CCDC178: variants seen among roughly 807,000 people sequenced by gnomAD.
CCDC178 encodes coiled-coil domain containing 178.
A neutral mutation model predicts 117.4 loss-of-function variants in CCDC178; 126 were observed. That is an observed-to-expected ratio of 1.07 (90% CI 0.93 to 1.24). CCDC178 has a LOEUF of 1.24. Ranked by LOEUF, CCDC178 falls within the 50% of genes most tolerant of loss-of-function variation. The probability of loss-of-function intolerance (pLI) is 0.00; values close to 1 mark genes in which losing one functional copy is unlikely to be tolerated. For synonymous variants in CCDC178, 283 were observed against 313.4 expected (o/e 0.90, Z 1.02); for missense variants, 1,030 against 986.9 (o/e 1.04, Z -0.59).
chr18:33,064,490 C>A (rs1365994307), intron 21 of CCDC178, among the ~76,000 whole-genome samples: 1 of 151,998 alleles, frequency 6.6e-6, no homozygotes, highest in Non-Finnish European at 1.5e-5. Context: ...TTGAAATAAC[C>A]CAGTCAGACA....
chr18:33,415,358 A>G (rs1449517180), intron 2 of CCDC178, among the ~76,000 whole-genome samples: 1 of 152,226 alleles, frequency 6.6e-6, no homozygotes, highest in Non-Finnish European at 1.5e-5. Flanking sequence ...ACACTATGGA[A>G]TACTATGCAG....
intron 5 of CCDC178, among the ~76,000 whole-genome samples, chr18:33,385,658 A>G (rs1378421895): frequency 1.3e-5 from 2 of 152,240 alleles, no homozygotes; most frequent in East Asian, 3.9e-4. Context: ...AGTTCTTTGA[A>G]ACAAATGAGA....
intron 22 of CCDC178, among the ~76,000 whole-genome samples, chr18:32,966,225 C>T (rs2054810759): frequency 6.6e-6 from 1 of 151,710 alleles, no homozygotes. Context: ...AATTTGAAAT[C>T]CTACTCTCAC....
At chr18:33,408,107 T>C (rs1599283238) in intron 3 of CCDC178, among the ~76,000 whole-genome samples, 1 of 151,892 alleles carries the variant, frequency 6.6e-6, no homozygotes, top group East Asian at 1.9e-4. Context: ...TGTAAATCCA[T>C]GTATGCAAGT....
chr18:33,345,972 C>T (rs536633833), intron 9 of CCDC178, among the ~76,000 whole-genome samples: 1 of 152,118 alleles, frequency 6.6e-6, no homozygotes, highest in South Asian at 2.1e-4. Flanking sequence ...AGACTACAGG[C>T]GAGCACCACC....
At chr18:33,391,325 A>AT (rs983898382) in intron 4 of CCDC178, among the ~76,000 whole-genome samples, 1 of 151,972 alleles carries the variant, frequency 6.6e-6, no homozygotes, top group Non-Finnish European at 1.5e-5. Flanking sequence ...AAAAAATCTT[A>AT]TTTTTTAACA....
At chr18:33,191,476 T>C (rs1480725953) in intron 20 of CCDC178, among the ~76,000 whole-genome samples, 2 of 152,162 alleles carry the variant, frequency 1.3e-5, no homozygotes, top group Non-Finnish European at 2.9e-5. Context: ...CTATTTTCTA[T>C]ACTAAGAGAA....
chr18:33,376,599 T>C (rs966103663), intron 5 of CCDC178, among the ~76,000 whole-genome samples: 5 of 152,068 alleles, frequency 3.3e-5, no homozygotes, highest in Admixed American at 3.3e-4. Context: ...TTTGGCCCCC[T>C]CCCTCTCTCC....
chr18:32,945,743 C>T (rs1016627948), intron 22 of CCDC178, among the ~76,000 whole-genome samples: 1 of 151,958 alleles, frequency 6.6e-6, no homozygotes, highest in Non-Finnish European at 1.5e-5. Context: ...GAGCAGATCT[C>T]GTATTGCTGA....
chr18:33,159,005 T>C (rs554904737), intron 20 of CCDC178, among the ~76,000 whole-genome samples: 5 of 152,196 alleles, frequency 3.3e-5, no homozygotes, highest in Non-Finnish European at 7.4e-5. Flanking sequence ...CGTTGTCATA[T>C]AAAAATTTTT....
chr18:33,295,422 T>A (rs752046598), intron 11 of CCDC178, among the ~76,000 whole-genome samples: 14 of 151,778 alleles, frequency 9.2e-5, no homozygotes, highest in Non-Finnish European at 1.9e-4. Flanking sequence ...ACATGATGAA[T>A]AAAAGAAAAA....
At chr18:33,383,081 C>A (rs1327611723) in intron 5 of CCDC178, among the ~76,000 whole-genome samples, 2 of 152,126 alleles carry the variant, frequency 1.3e-5, no homozygotes, top group Non-Finnish European at 2.9e-5. Context: ...GAGATGAGGA[C>A]AGTTGGACTG....
intron 20 of CCDC178, among the ~76,000 whole-genome samples, chr18:33,151,215 C>A (rs561918755): frequency 6.0e-4 from 91 of 152,108 alleles, no homozygotes; most frequent in African/African-American, 2.1e-3. Context: ...TAACAAAATA[C>A]CACCTGTACC....
intron 21 of CCDC178, among the ~76,000 whole-genome samples, chr18:32,987,613 G>T (rs1349701710): frequency 6.6e-6 from 1 of 152,066 alleles, no homozygotes. Context: ...ATTAAAACTT[G>T]TAACTTATAT....
intron 19 of CCDC178, among the ~76,000 whole-genome samples, chr18:33,212,846 T>C (rs148075245): frequency 6.8e-4 from 103 of 152,074 alleles, no homozygotes; most frequent in Middle Eastern, 3.4e-3. Context: ...TATCAAAACA[T>C]GGTTAAAACA....
chr18:32,938,612 T>C (rs1284470901), intron 22 of CCDC178, among the ~76,000 whole-genome samples: 1 of 152,122 alleles, frequency 6.6e-6, no homozygotes, highest in African/African-American at 2.4e-5. Flanking sequence ...ACAACACACA[T>C]GCACACATAT....
At chr18:33,299,357 C>G (rs2062146698) in intron 11 of CCDC178, among the ~76,000 whole-genome samples, 2 of 152,074 alleles carry the variant, frequency 1.3e-5, no homozygotes, top group African/African-American at 4.8e-5. Context: ...GGGGAAATGA[C>G]AGTCTCTTCA....
rs189563661 is a variant in CCDC178 at position 33,092,948 on chromosome 18, T to C, written c.2239-38A>G. The C allele has an allele frequency of 1.6e-5, 20 of 1,259,048 alleles. No individual in the cohort carries two copies. The East Asian group carries it at 4.0e-4, about 25-fold the overall frequency. 78.0% of individuals were successfully genotyped at this position (1,259,048 alleles called of 1,614,324 possible). ...AAAATATAATTGAATTGTGTGTATA[T>C]ATATATAAACGCAATTAAAATCATT... On this transcript the variant is annotated intron_variant, in intron 20 of 22. Coordinates refer to ENST00000383096, the MANE Select transcript of CCDC178 (RefSeq NM_001105528.4).
intron 21 of CCDC178, among the ~76,000 whole-genome samples, chr18:32,984,858 C>T (rs1458625351): frequency 6.6e-6 from 1 of 151,846 alleles, no homozygotes; most frequent in African/African-American, 2.4e-5. Context: ...CACTTCCTTG[C>T]CTGCTTGTCA....
Sources: allele counts gnomAD v4.1 joint callset (sites outside exome capture counted in the v4.1 genomes callset), GRCh38; gene constraint gnomAD v4.1.1; transcripts MANE v1.5; gene names NCBI Gene and HGNC (gene_info 2026-07-23, HGNC 2026-07-21).